Variants in NFASC observed in about 807,000 individuals in gnomAD.
The protein encoded by NFASC is neurofascin.
NFASC carries 43 observed loss-of-function variants against 147.5 expected under a neutral mutation model. That is an observed-to-expected ratio of 0.29 (90% CI 0.23 to 0.38). NFASC has a LOEUF of 0.38. NFASC is among the 10% of genes least tolerant of loss of function. The pLI is 1.00. For missense variants in NFASC, 1,320 were observed against 1,689.0 expected, an observed-to-expected ratio of 0.78 and a Z score of 3.83; for synonymous variants, 622 against 665.5, an observed-to-expected ratio of 0.93 and a Z score of 1.01.
intron 15 of NFASC, 36 bp from the exon 16 acceptor site, chr1:204,976,635 C>A (rs1249426270): frequency 1.0e-5 from 16 of 1,533,568 alleles, no homozygotes; most frequent in Non-Finnish European, 1.4e-5. Context: ...CACTCCCCTA[C>A]CCCCTCCTCC....
intron 3 of NFASC, among the ~76,000 whole-genome samples, chr1:204,949,416 C>T (rs758125254): frequency 4.6e-5 from 7 of 152,200 alleles, no homozygotes; most frequent in Admixed American, 2.0e-4. Context: ...GCTGGCAGCT[C>T]GCAGCTCCCC....
In NFASC at chr1:205,017,652, G is replaced by A. The variant is rs1558497703; in HGVS notation, c.*1113G>A. ...CTTTGCTGGTGTGTTTGGGGCATAA[G>A]GCACTGCTCCCCTTCCATCTCTAGC... On this transcript the variant is annotated 3_prime_UTR_variant, in exon 30 of 30. Transcript: ENST00000339876. 10 of 152,680 alleles carry A rather than the reference G, an allele frequency of 6.5e-5. No individual in the cohort carries two copies. Among genetic ancestry groups the A allele is most frequent in the Admixed American group, 5.2e-4 (8 of 15,276 alleles). The allele number at this position is 152,680 out of a possible 1,614,324, so 9.5% of individuals were successfully genotyped here.
intron 1 of NFASC, among the ~76,000 whole-genome samples, chr1:204,880,590 G>A (rs2079996614): frequency 6.6e-6 from 1 of 152,106 alleles, no homozygotes; most frequent in South Asian, 2.1e-4. Context: ...CTCCTGACGT[G>A]CTGCACCCGC....
chr1:204,895,183 C>T (rs1201431525), intron 1 of NFASC, among the ~76,000 whole-genome samples: 1 of 152,138 alleles, frequency 6.6e-6, no homozygotes, highest in Non-Finnish European at 1.5e-5. Context: ...CCTTCCTGCC[C>T]ATAAGAACAG....
intron 1 of NFASC, among the ~76,000 whole-genome samples, chr1:204,886,148 A>G (rs146487906): frequency 1.2e-4 from 19 of 152,346 alleles, no homozygotes; most frequent in Non-Finnish European, 2.6e-4. Flanking sequence ...TTCCAAACAA[A>G]TGAAGCTGAT....
intron 1 of NFASC, among the ~76,000 whole-genome samples, chr1:204,867,637 A>G (rs914028935): frequency 5.5e-4 from 83 of 152,112 alleles, no homozygotes; most frequent in African/African-American, 1.9e-3. Flanking sequence ...GCACATTTAG[A>G]CTTATACATA....
At chr1:204,885,158 T>C (rs2081069733) in intron 1 of NFASC, among the ~76,000 whole-genome samples, 1 of 152,098 alleles carries the variant, frequency 6.6e-6, no homozygotes, top group African/African-American at 2.4e-5. Flanking sequence ...AAAAAGATGA[T>C]TTTAAAGACC....
Position 204,844,463 on chromosome 1 carries a change from G to A in NFASC, c.-200+15681G>A, listed in dbSNP as rs940138231. ...GCCTCAAATAAGTGCTTAATTGTAC[G>A]CTAGATACTGTGGGTATTACAGTGG... On this transcript the variant is annotated intron_variant, in intron 1 of 29. Coordinates refer to ENST00000339876, the MANE Select transcript of NFASC (RefSeq NM_001005388.3). 5.3e-5 allele frequency among the ~76,000 whole-genome samples: 8 copies of A among 152,136 alleles called. No homozygotes were observed. In the South Asian group the frequency reaches 6.2e-4, roughly 12 times the overall value.
chr1:204,945,623 C>A (rs2093671300), intron 3 of NFASC, among the ~76,000 whole-genome samples: 1 of 152,250 alleles, frequency 6.6e-6, no homozygotes, highest in South Asian at 2.1e-4. Flanking sequence ...CTCCCAATAC[C>A]CCCAGGCATG....
chr1:204,960,967 G>C (rs1005918888), intron 8 of NFASC, among the ~76,000 whole-genome samples: 1 of 152,188 alleles, frequency 6.6e-6, no homozygotes, highest in Non-Finnish European at 1.5e-5. Context: ...AGTTGTAATG[G>C]GATTGGATCT....
rs563946017 is a variant in NFASC, at chr1:204,915,833, G to A, written c.-199-4799G>A. Among the ~76,000 whole-genome samples the A allele has an allele frequency of 5.3e-5, 8 of 152,220 alleles. No homozygotes were observed. In the South Asian group the frequency reaches 8.3e-4, roughly 16 times the overall value. ...AGATGAGAAAGTGTAAGAGATCCCG[G>A]GACCAGCTTATACTTTGTGGCAGAG... is the stretch of plus-strand genomic sequence containing the variant. On this transcript the variant is annotated intron_variant, in intron 1 of 29. Transcript: ENST00000339876.
At chr1:204,928,375 G>A (rs1166516373) in intron 2 of NFASC, among the ~76,000 whole-genome samples, 2 of 152,126 alleles carry the variant, frequency 1.3e-5, no homozygotes, top group Non-Finnish European at 2.9e-5. Flanking sequence ...TAGAGTCGGC[G>A]ATGTCCTCCC....
intron 1 of NFASC, among the ~76,000 whole-genome samples, chr1:204,848,481 T>C (rs535419755): frequency 1.3e-5 from 2 of 152,272 alleles, no homozygotes; most frequent in East Asian, 3.9e-4. Flanking sequence ...CTGCCTTGGC[T>C]TCCCAAAGTG....
chr1:204,839,898 C>T (rs2102476915), intron 1 of NFASC, among the ~76,000 whole-genome samples: 1 of 152,296 alleles, frequency 6.6e-6, no homozygotes, highest in South Asian at 2.1e-4. Flanking sequence ...AGAAGCAGAG[C>T]TTGGTGATGT....
At chr1:204,887,399 G>A (rs1223746604) in intron 1 of NFASC, among the ~76,000 whole-genome samples, 2 of 152,074 alleles carry the variant, frequency 1.3e-5, no homozygotes, top group African/African-American at 4.8e-5. Context: ...TTTATCCATT[G>A]TCAATGGACA....
intron 1 of NFASC, among the ~76,000 whole-genome samples, chr1:204,904,467 A>G (rs146070202): frequency 6.6e-6 from 1 of 152,306 alleles, no homozygotes; most frequent in East Asian, 1.9e-4. Context: ...TGGAAGGATT[A>G]AAAGGGATGG....
chr1:204,952,840 C>T (rs1166908221), intron 5 of NFASC, among the ~76,000 whole-genome samples: 1 of 152,196 alleles, frequency 6.6e-6, no homozygotes, highest in East Asian at 1.9e-4. Context: ...GTGACAGGAC[C>T]ACATCTAGGG....
rs199913513 is a variant in NFASC at position 204,988,773 on chromosome 1, G to A, written c.2734G>A (p.Val912Ile). ...ARTQVGSGEAVTEESPAPPNE... is the reference protein window; with the variant it reads ...ARTQVGSGEAITEESPAPPNE... ...GACGCAGGTGGGCTCTGGGGAAGCCGTCACAGAGGAGTCACCAGCACCCCC... is the reference window on the plus strand; with the variant it reads ...GACGCAGGTGGGCTCTGGGGAAGCCATCACAGAGGAGTCACCAGCACCCCC... The change falls in exon 23 of 30, where the codon GTC becomes ATC. Residue 912 changes from valine (V) to isoleucine (I), a missense_variant. This residue lies in a region of NFASC where 981 missense variants were observed against 1,289.5 expected (regional missense o/e 0.76). Transcript: ENST00000339876. 43 of 1,613,950 alleles carry A rather than the reference G, an allele frequency of 2.7e-5. No individual in the cohort carries two copies. Among genetic ancestry groups the A allele is most frequent in the Middle Eastern group, 1.6e-4 (1 of 6,080 alleles).
chr1:204,839,368 AACACACAC>A (rs55784616), intron 1 of NFASC, among the ~76,000 whole-genome samples: 4,131 of 135,126 alleles, frequency 0.031, 83 homozygotes, highest in Middle Eastern at 0.056. Flanking sequence ...GCACGTATGA[AACACACAC>A]ACACACACAC....
Sources: allele counts gnomAD v4.1 joint callset (sites outside exome capture counted in the v4.1 genomes callset), GRCh38; gene constraint gnomAD v4.1.1; regional missense constraint gnomAD v4.1.1; transcripts MANE v1.5; gene names NCBI Gene and HGNC (gene_info 2026-07-23, HGNC 2026-07-21).